The following PLEKHA7 variants were observed in gnomAD, a reference collection of about 807,000 sequenced individuals.
PLEKHA7 encodes the protein pleckstrin homology domain-containing family A member 7.
A neutral mutation model predicts 170.0 loss-of-function variants in PLEKHA7; 104 were observed. That is an observed-to-expected ratio of 0.61 (90% CI 0.52 to 0.72). The LOEUF (loss-of-function observed/expected upper bound fraction) is 0.72, where lower values mean the gene tolerates loss of function less well. Among genes scored for constraint, PLEKHA7 ranks in the 30% least tolerant of loss-of-function variants. PLEKHA7 has a pLI of 0.00. For missense variants in PLEKHA7, 1,615 were observed against 1,671.7 expected (o/e 0.97, Z 0.59); for synonymous variants, 648 against 660.8 (o/e 0.98, Z 0.30).
intron 3 of PLEKHA7, among the ~76,000 whole-genome samples, chr11:17,010,462 C>T (rs1291055273): frequency 6.6e-6 from 1 of 151,586 alleles, no homozygotes; most frequent in Non-Finnish European, 1.5e-5. Context: ...ATTTGCTGGC[C>T]AGGCATGGTG....
intron 3 of PLEKHA7, among the ~76,000 whole-genome samples, chr11:16,875,715 A>G (rs1855238817): frequency 6.6e-6 from 1 of 152,040 alleles, no homozygotes; most frequent in Admixed American, 6.5e-5. Context: ...AAGTGCTAAG[A>G]TTACAGGTGT....
intron 3 of PLEKHA7, among the ~76,000 whole-genome samples, chr11:16,896,893 C>T (rs543860041): frequency 1.3e-5 from 2 of 151,944 alleles, no homozygotes; most frequent in African/African-American, 2.4e-5. Context: ...AAGCCTTCCA[C>T]GATATGAGGC....
chr11:16,803,636 A>G (rs1007426174), intron 13 of PLEKHA7: 2 of 306,560 alleles, frequency 6.5e-6, no homozygotes, highest in Non-Finnish European at 1.3e-5. Context: ...TTTGCCACCG[A>G]TAAGACAGAG....
chr11:16,846,201 CTT>C (rs1052639780), intron 8 of PLEKHA7, among the ~76,000 whole-genome samples: 6 of 152,096 alleles, frequency 3.9e-5, no homozygotes, highest in African/African-American at 1.4e-4. Context: ...AGGAGAATCT[CTT>C]GAACCTGGGA....
intron 8 of PLEKHA7, among the ~76,000 whole-genome samples, chr11:16,843,732 T>C (rs1212333604): frequency 1.3e-5 from 2 of 152,104 alleles, no homozygotes; most frequent in Non-Finnish European, 2.9e-5. Flanking sequence ...CTGAAGTTAG[T>C]TCAAGACCAG....
At chr11:16,941,146 C>T (rs1011054418) in intron 3 of PLEKHA7, among the ~76,000 whole-genome samples, 11 of 152,142 alleles carry the variant, frequency 7.2e-5, no homozygotes, top group African/African-American at 2.7e-4. Context: ...TCCCTGAGGT[C>T]ACTCTTTGCT....
intron 8 of PLEKHA7, among the ~76,000 whole-genome samples, chr11:16,843,826 A>G (rs1021405410): frequency 6.6e-6 from 1 of 152,128 alleles, no homozygotes; most frequent in African/African-American, 2.4e-5. Context: ...AATCTCAGCT[A>G]CTCGGGAGGC....
chr11:16,888,480 C>T (rs983386992), intron 3 of PLEKHA7, among the ~76,000 whole-genome samples: 5 of 152,304 alleles, frequency 3.3e-5, no homozygotes, highest in Non-Finnish European at 7.3e-5. Context: ...ATAGGAGACT[C>T]CATTTTGTTC....
At chr11:16,914,889 A>G (rs1163419749) in intron 3 of PLEKHA7, among the ~76,000 whole-genome samples, 1 of 152,194 alleles carries the variant, frequency 6.6e-6, no homozygotes, top group Non-Finnish European at 1.5e-5. Flanking sequence ...CCCCAAGACA[A>G]GAAAGGTTTT....
chr11:16,829,180 A>C (rs1326696787), intron 9 of PLEKHA7, among the ~76,000 whole-genome samples: 1 of 143,972 alleles, frequency 6.9e-6, no homozygotes, highest in East Asian at 2.1e-4. Flanking sequence ...CTGCTAATTA[A>C]AAAAAAAAAA....
chr11:16,947,604 GA>G (rs1861117249), intron 3 of PLEKHA7, among the ~76,000 whole-genome samples: 4 of 68,772 alleles, frequency 5.8e-5, no homozygotes, highest in Non-Finnish European at 1.6e-4. Context: ...AAAAAAAAAA[GA>G]AAGAAAGAAA....
chr11:17,003,764 T>A (rs879936169), intron 3 of PLEKHA7, among the ~76,000 whole-genome samples: 1 of 152,322 alleles, frequency 6.6e-6, no homozygotes, highest in East Asian at 1.9e-4. Flanking sequence ...TTCTGCATGA[T>A]GAAGTTGCCT....
At chr11:16,946,912 A>G (rs1269249246) in intron 3 of PLEKHA7, among the ~76,000 whole-genome samples, 1 of 152,092 alleles carries the variant, frequency 6.6e-6, no homozygotes. Context: ...CAAGTTTAAA[A>G]ACTCTCATTC....
At position 16,794,725 on chromosome 11, in the gene PLEKHA7, T is replaced by C. The variant is rs552625203; in HGVS notation, c.2519-11A>G. On this transcript the variant is annotated splice_polypyrimidine_tract_variant and intron_variant, in intron 18 of 26. Transcript: ENST00000531066. ...GCACCGTTTTTCTCTCTAAGGGGCATAGAAGGAAACAAAGCACGGGATGGA... is the reference window on the plus strand; with the variant it reads ...GCACCGTTTTTCTCTCTAAGGGGCACAGAAGGAAACAAAGCACGGGATGGA... The C allele has an allele frequency of 9.3e-6, 15 of 1,612,322 alleles. No individual in the cohort carries two copies. Among genetic ancestry groups the C allele is most frequent in the South Asian group, 6.6e-5 (6 of 91,030 alleles).
chr11:16,819,586 C>T (rs939405860), intron 10 of PLEKHA7, among the ~76,000 whole-genome samples: 6 of 152,194 alleles, frequency 3.9e-5, no homozygotes, highest in African/African-American at 9.7e-5. Flanking sequence ...TGATATTGTG[C>T]CAGACATTGT....
intron 3 of PLEKHA7, among the ~76,000 whole-genome samples, chr11:17,006,216 C>T (rs542375315): frequency 3.9e-4 from 59 of 151,574 alleles, no homozygotes; most frequent in Non-Finnish European, 7.4e-4. Flanking sequence ...CTAAATTACC[C>T]GGGCATGGTG....
At chr11:16,962,790 GC>G (rs1319720199) in intron 3 of PLEKHA7, among the ~76,000 whole-genome samples, 3 of 152,146 alleles carry the variant, frequency 2.0e-5, no homozygotes. Flanking sequence ...TCCTTTGGCA[GC>G]CTCCCCTGAA....
Position 17,000,849 on chromosome 11 carries a change from C to T in PLEKHA7, c.221+13140G>A, listed in dbSNP as rs182534791. ...GATCCCAGAATCCATGTTTTGTAAA[C>T]ACCATGTGGCACCACCCTATAGACA... On this transcript the variant is annotated intron_variant, in intron 3 of 26. Transcript: ENST00000531066. 5.7e-4 allele frequency among the ~76,000 whole-genome samples: 87 copies of T among 152,302 alleles called. 1 individual carries two copies. The highest frequency in any genetic ancestry group is 2.0e-3 in the African/African-American group (83 of 41,558).
intron 3 of PLEKHA7, among the ~76,000 whole-genome samples, chr11:16,890,975 A>G (rs1347029895): frequency 1.3e-5 from 2 of 152,012 alleles, no homozygotes; most frequent in East Asian, 3.8e-4. Context: ...ATGGTAGCTT[A>G]CTGCAGTCTC....
Sources: allele counts gnomAD v4.1 joint callset (sites outside exome capture counted in the v4.1 genomes callset), GRCh38; gene constraint gnomAD v4.1.1; transcripts MANE v1.5; gene names NCBI Gene and HGNC (gene_info 2026-07-23, HGNC 2026-07-21).